C6: variants seen among roughly 807,000 people sequenced by gnomAD.
C6 encodes the protein complement component C6.
In C6, 101 loss-of-function variants were observed where a neutral mutation model predicts 112.9. The observed-to-expected ratio is 0.89, with a 90% CI of 0.76 to 1.06. The LOEUF is 1.06. C6 is among the 50% of genes least tolerant of loss of function. C6 has a pLI of 0.00. For missense variants in C6, 1,202 were observed against 1,104.6 expected (o/e 1.09, Z -1.25); for synonymous variants, 431 against 384.1 (o/e 1.12, Z -1.43).
chr5:41,259,846 CT>C, intron 1 of C6, among the ~76,000 whole-genome samples: 1 of 152,322 alleles, frequency 6.6e-6, no homozygotes, highest in Non-Finnish European at 1.5e-5. Context: ...AATAGGGGTG[CT>C]GTTGGCATTA....
At chr5:41,205,963 C>T (rs13188852) in intron 1 of C6, among the ~76,000 whole-genome samples, 3,113 of 152,296 alleles carry the variant, frequency 0.02, 51 homozygotes, top group South Asian at 0.033. Flanking sequence ...TGGGAAACAC[C>T]TCCCAGTACG....
chr5:41,184,084 A>G (rs959030441), intron 6 of C6, among the ~76,000 whole-genome samples: 3 of 152,050 alleles, frequency 2.0e-5, no homozygotes, highest in Admixed American at 6.6e-5. Flanking sequence ...CACACAATAA[A>G]GCCAGGTGAC....
Position 41,199,831 on chromosome 5 carries a change from T to G in C6, c.382A>C (p.Ile128Leu). 6.2e-7 allele frequency: 1 copy of G among 1,613,760 alleles called. No homozygotes were observed. Among genetic ancestry groups the G allele is most frequent in the South Asian group, 1.1e-5 (1 of 91,074 alleles). Residue 128 changes from isoleucine to leucine, a missense_variant, in exon 4 of 18, where the codon ATT becomes CTT. By Grantham distance (5) the Ile-to-Leu change is conservative (BLOSUM62 2). Transcript: ENST00000337836. Reference sequence around the variant, plus strand: ...TCAATTTTGCAGAGCTTAGATGGAATGCATGGTTGAAAGGCTACCAGAGGC... The same window carrying G: ...TCAATTTTGCAGAGCTTAGATGGAAGGCATGGTTGAAAGGCTACCAGAGGC... ...TAPLVAFQPC[I>L]PSKLCKIEEA... is the part of the protein sequence containing the mutation.
At position 41,258,014 on chromosome 5, in the gene C6, C is replaced by T. The variant is rs150663723; in HGVS notation, c.-21+3180G>A. Among the ~76,000 whole-genome samples the T allele has an allele frequency of 9.1e-3, 1,391 of 152,022 alleles. 27 individuals carry two copies. The highest frequency in any genetic ancestry group is 0.031 in the African/African-American group (1,278 of 41,460). On this transcript the variant is annotated intron_variant, in intron 1 of 17. Coordinates refer to the C6 transcript ENST00000263413. Reference sequence around the variant, plus strand: ...TACATAATTAACTCATTTTTTTCTACCCAATCATAAAACTTTACTTTTTAT... The same window carrying T: ...TACATAATTAACTCATTTTTTTCTATCCAATCATAAAACTTTACTTTTTAT...
chr5:41,186,306 G>A, intron 5 of C6, 98 bp from the exon 6 acceptor site: 2 of 1,354,058 alleles, frequency 1.5e-6, no homozygotes, highest in Non-Finnish European at 1.0e-6. Flanking sequence ...AAACCTTTTT[G>A]CCTCAAGACA....
intron 5 of C6, among the ~76,000 whole-genome samples, chr5:41,192,278 G>A (rs569072691): frequency 3.2e-4 from 48 of 152,198 alleles, no homozygotes; most frequent in Non-Finnish European, 6.5e-4. Context: ...GTACTCTGGG[G>A]TTCTGTTTGC....
At position 41,153,384 on chromosome 5, in the gene C6, AG is replaced by A. The variant is rs757160159; in HGVS notation, c.2290+425del. 2.7e-4 allele frequency among the ~76,000 whole-genome samples: 41 copies of A among 152,332 alleles called. No individual in the cohort carries two copies. In the Middle Eastern group the frequency reaches 0.01, roughly 38 times the overall value. On this transcript the variant is annotated intron_variant, in intron 15 of 17. Transcript: ENST00000337836. ...GAGGATACTGCCTACAGTGTCTTAA[AG>A]ATCCTAACTTTCTGAAGTCTATGGC... is the stretch of plus-strand genomic sequence containing the variant.
rs1024432061 is a variant in C6, at chr5:41,234,364, G to T, written c.-21+26830C>A. ...TTTTTTTTTTTGTTTTTTGTTTTTT[G>T]TTTTTTTTTTTTGCTTGGAAGATGT... On this transcript the variant is annotated intron_variant, in intron 1 of 17. Coordinates refer to the C6 transcript ENST00000263413. Among the ~76,000 whole-genome samples, 541 of 122,624 alleles carry T rather than the reference G, an allele frequency of 4.4e-3. 3 individuals are homozygous for T. The highest frequency in any genetic ancestry group is 0.013 in the African/African-American group (451 of 34,178). The allele number at this position is 122,624 out of a possible 152,430, so 80.4% of individuals were successfully genotyped here. A position where few individuals can be genotyped will look rare whatever the true frequency, so the allele number is the denominator to read the frequency against.
chr5:41,147,373 G>A (rs1745928861), intron 17 of C6, among the ~76,000 whole-genome samples: 1 of 152,170 alleles, frequency 6.6e-6, no homozygotes, highest in African/African-American at 2.4e-5. Context: ...GACATGGCAT[G>A]AAGGTTGAAA....
rs1185701030 is a variant in C6 at position 41,195,842 on chromosome 5, T to G, written c.537A>C (p.Val179=). 1 of 1,614,014 alleles carries G rather than the reference T, an allele frequency of 6.2e-7. No individual in the cohort carries two copies. The highest frequency in any genetic ancestry group is 1.7e-5 in the Admixed American group (1 of 60,000). The change falls in exon 5 of 18, where the codon GTA becomes GTC. Residue 179 remains valine (V), a synonymous_variant. Transcript: ENST00000337836. ...GGATGGGATTATACTTCCGTGTGCA[T>G]ACTGCCTTTGTCCTCCCACAGTCCC... ...DERDCGRTKA[V]CTRKYNPIPS... is the part of the protein sequence containing the mutation.
chr5:41,259,132 T>C (rs544691009), intron 1 of C6, among the ~76,000 whole-genome samples: 3 of 152,330 alleles, frequency 2.0e-5, no homozygotes, highest in South Asian at 2.1e-4. Flanking sequence ...AAAAAGAGAA[T>C]GTAATAAATT....
rs373426694 is a variant in C6, at chr5:41,195,781, A to T, written c.587+11T>A. 3.3e-5 allele frequency: 54 copies of T among 1,612,936 alleles called. No individual in the cohort carries two copies. The highest frequency in any genetic ancestry group is 4.6e-5 in the Non-Finnish European group (54 of 1,179,734). On this transcript the variant is annotated intron_variant, in intron 5 of 17. Coordinates refer to ENST00000337836, the MANE Select transcript of C6 (RefSeq NM_000065.5). ...CTGTTCTCCCCAAGATGATAAAAAGATGTTACATACCCATTGCCCATCAAC... is the reference window on the plus strand; with the variant it reads ...CTGTTCTCCCCAAGATGATAAAAAGTTGTTACATACCCATTGCCCATCAAC...
At chr5:41,219,895 T>G (rs1739062549) in intron 1 of C6, among the ~76,000 whole-genome samples, 1 of 152,210 alleles carries the variant, frequency 6.6e-6, no homozygotes. Context: ...ACATGCTCTG[T>G]GTATTGAATC....
In C6 at chr5:41,177,566, G is replaced by A. The variant is rs561880119; in HGVS notation, c.928-851C>T. 3.9e-5 allele frequency among the ~76,000 whole-genome samples: 6 copies of A among 152,162 alleles called. No individual in the cohort carries two copies. The East Asian group carries it at 5.8e-4, about 15-fold the overall frequency. ...AATTGTAGTAATAGTAACAGAGTAA[G>A]GACCATGTTTTAGCAAAATAACTGT... On this transcript the variant is annotated intron_variant, in intron 7 of 17. Coordinates refer to ENST00000337836, the MANE Select transcript of C6 (RefSeq NM_000065.5).
At chr5:41,206,089 T>C (rs1267721075) in intron 1 of C6, among the ~76,000 whole-genome samples, 2 of 152,176 alleles carry the variant, frequency 1.3e-5, no homozygotes, top group African/African-American at 4.8e-5. Flanking sequence ...CCTCCGCTGG[T>C]AATACACAGG....
chr5:41,189,282 G>A (rs903077415), intron 5 of C6, among the ~76,000 whole-genome samples: 1 of 151,972 alleles, frequency 6.6e-6, no homozygotes. Context: ...AAGTATATAT[G>A]AAAGAGAATT....
At chr5:41,154,107 G>T in intron 14 of C6, 109 bp from the exon 15 acceptor site, 1 of 897,618 alleles carries the variant, frequency 1.1e-6, no homozygotes, top group African/African-American at 1.6e-5. Context: ...TACTGCATCT[G>T]TTCAGCTTTG....
intron 1 of C6, among the ~76,000 whole-genome samples, chr5:41,231,641 C>A (rs1739905738): frequency 6.6e-6 from 1 of 151,874 alleles, no homozygotes; most frequent in African/African-American, 2.4e-5. Flanking sequence ...AATTCTGATC[C>A]TCTGGTAAAA....
intron 1 of C6, among the ~76,000 whole-genome samples, chr5:41,232,969 A>G (rs972025034): frequency 2.6e-5 from 4 of 152,212 alleles, no homozygotes; most frequent in Admixed American, 2.6e-4. Context: ...CAGATATTTT[A>G]TATTTATAGA....
Sources: gnomAD v4.1 joint callset for allele counts (sites outside exome capture counted in the v4.1 genomes callset) on GRCh38, gnomAD v4.1.1 for gene constraint, MANE v1.5 for transcripts, NCBI Gene and HGNC (gene_info 2026-07-23, HGNC 2026-07-21) for gene names.